The following WFDC9 variants were observed in gnomAD, a reference collection of about 807,000 sequenced individuals.
The protein encoded by WFDC9 is protein WFDC9.
WFDC9 carries 9 observed loss-of-function variants against 9.5 expected under a neutral mutation model. The ratio of observed to expected loss-of-function variants is 0.95; its 90% CI spans 0.57 to 1.65. The LOEUF (loss-of-function observed/expected upper bound fraction) is 1.65, where lower values mean the gene tolerates loss of function less well. Ranked by LOEUF, WFDC9 falls within the 40% of genes most tolerant of loss-of-function variation. WFDC9 has a pLI of 0.00. For synonymous variants in WFDC9, 33 were observed against 32.3 expected, an observed-to-expected ratio of 1.02 and a Z score of -0.07; for missense variants, 87 against 106.7, an observed-to-expected ratio of 0.82 and a Z score of 0.81.
At chr20:45,610,283 CAG>C (rs1191024388) in intron 2 of WFDC9, 44 bp from the exon 3 acceptor site, 3 of 997,630 alleles carry the variant, frequency 3.0e-6, no homozygotes, top group Non-Finnish European at 3.1e-6. Flanking sequence ...GGGTAAGCAA[CAG>C]GGGTAAAGTG....
At chr20:45,619,325 G>A (rs904657102) in intron 1 of WFDC9, among the ~76,000 whole-genome samples, 4 of 152,164 alleles carry the variant, frequency 2.6e-5, no homozygotes, top group Non-Finnish European at 5.9e-5. Context: ...ATCAAGCTAT[G>A]CAGAATTTAG....
chr20:45,629,953 T>A, intron 1 of WFDC9: 1 of 1,599,550 alleles, frequency 6.3e-7, no homozygotes. Flanking sequence ...GTAGGGGGAA[T>A]GGAGGGCCTG....
At chr20:45,629,841 C>G (rs901820478) in intron 1 of WFDC9, 2 of 1,614,004 alleles carry the variant, frequency 1.2e-6, no homozygotes, top group Non-Finnish European at 1.7e-6. Context: ...GCTGCCTGTC[C>G]TGGTTCTCTG....
intron 2 of WFDC9, among the ~76,000 whole-genome samples, chr20:45,613,918 G>C (rs1600918062): frequency 6.6e-6 from 1 of 152,318 alleles, no homozygotes; most frequent in East Asian, 1.9e-4. Context: ...AGTGGGCATA[G>C]ATTGCAGTAG....
At position 45,627,554 on chromosome 20, in the gene WFDC9, T is replaced by C. The variant is rs1337777024; in HGVS notation, c.-153+3649A>G. On this transcript the variant is annotated intron_variant, in intron 1 of 4. Coordinates refer to ENST00000326000, the MANE Select transcript of WFDC9 (RefSeq NM_147198.4). Reference sequence around the variant, plus strand: ...CTTTTTGGTTCAGTGTGGTAGGTTGTATGTGTTCAAGAATTTATCCATTTC... The same window carrying C: ...CTTTTTGGTTCAGTGTGGTAGGTTGCATGTGTTCAAGAATTTATCCATTTC... Among the ~76,000 whole-genome samples, 4 of 152,250 alleles carry C rather than the reference T, an allele frequency of 2.6e-5. No homozygotes were observed. The East Asian group carries it at 5.8e-4, about 22-fold the overall frequency.
chr20:45,627,715 A>T (rs1234215054), intron 1 of WFDC9, among the ~76,000 whole-genome samples: 1 of 152,218 alleles, frequency 6.6e-6, no homozygotes, highest in East Asian at 1.9e-4. Context: ...CTAAGTGTTC[A>T]GTGGTAGCCA....
chr20:45,629,779 T>C (rs769752266), intron 1 of WFDC9: 47 of 1,605,352 alleles, frequency 2.9e-5, no homozygotes, highest in Middle Eastern at 1.6e-4. Context: ...TGTGACAACC[T>C]GGCCAGACAT....
At chr20:45,623,495 CG>C (rs1982146112) in intron 1 of WFDC9, among the ~76,000 whole-genome samples, 1 of 151,804 alleles carries the variant, frequency 6.6e-6, no homozygotes, top group Non-Finnish European at 1.5e-5. Flanking sequence ...GGTGTGGTGG[CG>C]GGCACCTGTA....
rs912846517 is a variant in WFDC9, at chr20:45,607,949, G to A, written c.*161C>T. 27 of 800,352 alleles carry A rather than the reference G, an allele frequency of 3.4e-5. No homozygotes were observed. Among genetic ancestry groups the A allele is most frequent in the Non-Finnish European group, 4.4e-5 (21 of 472,922 alleles). The allele number at this position is 800,352 out of a possible 1,614,324, so 49.6% of individuals were successfully genotyped here. ...AAATATGCAGAGCCCTCAGGTTGATGTAGCAGTTTATTTGACAAAAGCTTC... is the reference window on the plus strand; with the variant it reads ...AAATATGCAGAGCCCTCAGGTTGATATAGCAGTTTATTTGACAAAAGCTTC... On this transcript the variant is annotated 3_prime_UTR_variant, in exon 5 of 5. Transcript: ENST00000326000.
Position 45,608,005 on chromosome 20 carries a change from G to A in WFDC9, c.*105C>T, listed in dbSNP as rs1981766244. 6 of 1,280,852 alleles carry A rather than the reference G, an allele frequency of 4.7e-6. No individual in the cohort carries two copies. Among genetic ancestry groups the A allele is most frequent in the African/African-American group, 1.5e-5 (1 of 67,256 alleles). 79.3% of individuals were successfully genotyped at this position (1,280,852 alleles called of 1,614,324 possible). On this transcript the variant is annotated 3_prime_UTR_variant, in exon 5 of 5. Transcript: ENST00000326000. ...AAAGAGGTCAAGGAAATAGCAGAAA[G>A]GTTACCAGCTAGAGCCAGTGGGTGT...
intron 2 of WFDC9, among the ~76,000 whole-genome samples, chr20:45,612,852 C>T (rs1051329104): frequency 6.6e-6 from 1 of 152,120 alleles, no homozygotes; most frequent in African/African-American, 2.4e-5. Flanking sequence ...CAGCCTTCTC[C>T]CATCTACCCC....
chr20:45,625,559 T>C (rs1315453573), intron 1 of WFDC9, among the ~76,000 whole-genome samples: 1 of 152,158 alleles, frequency 6.6e-6, no homozygotes, highest in Non-Finnish European at 1.5e-5. Flanking sequence ...TCCTGAAGTA[T>C]TTCCCCTGTG....
intron 1 of WFDC9, among the ~76,000 whole-genome samples, chr20:45,615,512 T>G (rs1981952978): frequency 6.6e-6 from 1 of 152,208 alleles, no homozygotes. Flanking sequence ...GCAGGTTCAG[T>G]TTCAGGCTAC....
chr20:45,629,105 A>G (rs1363845637), intron 1 of WFDC9, among the ~76,000 whole-genome samples: 1 of 151,970 alleles, frequency 6.6e-6, no homozygotes, highest in Non-Finnish European at 1.5e-5. Flanking sequence ...CTGTGTGTTT[A>G]TGTGTGTTTA....
intron 2 of WFDC9, among the ~76,000 whole-genome samples, chr20:45,612,229 C>CTT (rs146300439): frequency 1.3e-5 from 2 of 148,316 alleles, no homozygotes; most frequent in Non-Finnish European, 3.0e-5. Context: ...TTTCTTTTTA[C>CTT]TTTTTTTTTT....
chr20:45,629,718 C>A (rs1364756394), intron 1 of WFDC9: 4 of 1,454,716 alleles, frequency 2.7e-6, no homozygotes, highest in Non-Finnish European at 3.7e-6. Context: ...AGCTAAAGAT[C>A]ATTCCTTCTT....
intron 2 of WFDC9, among the ~76,000 whole-genome samples, chr20:45,612,438 C>A (rs889483979): frequency 6.6e-6 from 1 of 151,902 alleles, no homozygotes; most frequent in Admixed American, 6.6e-5. Flanking sequence ...ATACAGCTGG[C>A]ATTCTAGTTA....
intron 1 of WFDC9, among the ~76,000 whole-genome samples, chr20:45,621,819 T>C (rs3091567): frequency 0.58 from 88,857 of 152,006 alleles, 26,996 homozygotes; most frequent in East Asian, 0.98. Flanking sequence ...ACCTGATTTC[T>C]TCTGGACTTT....
At chr20:45,630,903 A>G (rs939812993) in intron 1 of WFDC9, 7 of 1,607,656 alleles carry the variant, frequency 4.4e-6, no homozygotes, top group Non-Finnish European at 5.1e-6. Context: ...AAAGTCTGCC[A>G]GCAGCAGCCT....
Sources: gnomAD v4.1 joint callset for allele counts (sites outside exome capture counted in the v4.1 genomes callset) on GRCh38, gnomAD v4.1.1 for gene constraint, MANE v1.5 for transcripts, NCBI Gene and HGNC (gene_info 2026-07-23, HGNC 2026-07-21) for gene names.